The following NCKAP5 variants were observed in gnomAD, a reference collection of about 807,000 sequenced individuals.
NCKAP5 encodes nck-associated protein 5.
NCKAP5 carries 92 observed loss-of-function variants against 167.0 expected under a neutral mutation model. The observed-to-expected ratio is 0.55, with a 90% CI of 0.47 to 0.66. The LOEUF is 0.66. Among genes scored for constraint, NCKAP5 ranks in the 30% least tolerant of loss-of-function variants. The pLI, the probability that NCKAP5 is intolerant of heterozygous loss-of-function variation, is 0.00. For missense variants in NCKAP5, 2,378 were observed against 2,315.0 expected, an observed-to-expected ratio of 1.03 and a Z score of -0.56; for synonymous variants, 891 against 877.4, an observed-to-expected ratio of 1.02 and a Z score of -0.27.
At chr2:133,093,043 A>G (rs2081239081) in intron 6 of NCKAP5, among the ~76,000 whole-genome samples, 1 of 152,228 alleles carries the variant, frequency 6.6e-6, no homozygotes, top group African/African-American at 2.4e-5. Flanking sequence ...TCATCTGTAA[A>G]ATGGAAATAA....
chr2:132,878,866 A>G lies in NCKAP5; in HGVS notation c.630T>C (p.Tyr210=), dbSNP rs1246205449. ...CCCTTACCTCATCAAGACATCGCTC[A>G]TATTGTTCCCTTTGATTTTCATTCT... The part of the protein sequence containing the change: ...ALENENQREQ[Y]ERCLDEVANQ... The change falls in exon 9 of 20, where the codon TAT becomes TAC. Residue 210 remains tyrosine, a synonymous_variant. Transcript: ENST00000409261. 6.2e-7 allele frequency: 1 copy of G among 1,613,742 alleles called. No individual in the cohort carries two copies. Among genetic ancestry groups the G allele is most frequent in the Admixed American group, 1.7e-5 (1 of 60,034 alleles).
intron 12 of NCKAP5, among the ~76,000 whole-genome samples, chr2:132,794,263 T>TATATATATAGAG (rs762281677): frequency 8.4e-5 from 1 of 11,916 alleles, no homozygotes; most frequent in East Asian, 2.8e-3. Flanking sequence ...TATATATATA[T>TATATATATAGAG]AGAGAGAGAG....
At chr2:133,148,192 A>C (rs1051254711) in intron 5 of NCKAP5, among the ~76,000 whole-genome samples, 5 of 152,122 alleles carry the variant, frequency 3.3e-5, no homozygotes, top group African/African-American at 9.7e-5. Flanking sequence ...GTTGCCAGCA[A>C]AAGTCAATGG....
At chr2:132,961,771 T>G (rs2076517645) in intron 8 of NCKAP5, among the ~76,000 whole-genome samples, 1 of 152,232 alleles carries the variant, frequency 6.6e-6, no homozygotes, top group Non-Finnish European at 1.5e-5. Context: ...AACAACAACA[T>G]GAACTAAGAT....
At chr2:132,801,446 T>C (rs1291883350) in intron 11 of NCKAP5, among the ~76,000 whole-genome samples, 4 of 152,198 alleles carry the variant, frequency 2.6e-5, no homozygotes, top group African/African-American at 9.6e-5. Context: ...CACATGTTCA[T>C]ATATACGGGT....
chr2:133,265,442 C>A (rs112006277), intron 4 of NCKAP5, among the ~76,000 whole-genome samples: 1 of 152,132 alleles, frequency 6.6e-6, no homozygotes, highest in African/African-American at 2.4e-5. Context: ...GCCTGCCACC[C>A]GGGAGGTCCC....
chr2:132,974,927 G>A (rs1248531387), intron 7 of NCKAP5, among the ~76,000 whole-genome samples: 1 of 152,216 alleles, frequency 6.6e-6, no homozygotes, highest in Non-Finnish European at 1.5e-5. Flanking sequence ...CCAGCCGTCT[G>A]GCTGACAGCT....
chr2:133,108,841 C>T (rs1393770973), intron 6 of NCKAP5, among the ~76,000 whole-genome samples: 1 of 152,214 alleles, frequency 6.6e-6, no homozygotes, highest in African/African-American at 2.4e-5. Flanking sequence ...CTAGCCTCAT[C>T]CATGTTGTCA....
At chr2:133,218,956 T>C (rs972989273) in intron 4 of NCKAP5, among the ~76,000 whole-genome samples, 2 of 152,204 alleles carry the variant, frequency 1.3e-5, no homozygotes, top group Non-Finnish European at 2.9e-5. Context: ...TATTAATAAA[T>C]CATGAAATTT....
rs570101745 is a variant in NCKAP5, at chr2:132,678,981, G to A, written c.5714-5676C>T. ...AATATTCTTAATTGGATATCTTCTG[G>A]GCGTCTATTATTGGAATTTGAGGTG... On this transcript the variant is annotated intron_variant, in intron 19 of 19. Transcript: ENST00000409261. Among the ~76,000 whole-genome samples the A allele has an allele frequency of 4.6e-5, 7 of 152,004 alleles. No individual in the cohort carries two copies. In the East Asian group the frequency reaches 1.4e-3, roughly 29 times the overall value.
chr2:133,651,265 C>T, the NCKAP5 span, among the ~76,000 whole-genome samples: 1 of 152,150 alleles, frequency 6.6e-6, no homozygotes, highest in Non-Finnish European at 1.5e-5. Context: ...AGGGGTTAAT[C>T]TCCAAGATAT....
At chr2:132,973,280 C>A (rs1249705901) in intron 7 of NCKAP5, among the ~76,000 whole-genome samples, 1 of 152,160 alleles carries the variant, frequency 6.6e-6, no homozygotes, top group Non-Finnish European at 1.5e-5. Flanking sequence ...TGACAGTCAA[C>A]CTTCTTGCGG....
chr2:133,313,021 G>A (rs368965954), intron 3 of NCKAP5, among the ~76,000 whole-genome samples: 10 of 152,198 alleles, frequency 6.6e-5, no homozygotes, highest in African/African-American at 2.2e-4. Flanking sequence ...TTTGCTTAGG[G>A]TCAGACAATA....
At chr2:132,826,549 C>A (rs1191372056) in intron 11 of NCKAP5, among the ~76,000 whole-genome samples, 1 of 152,146 alleles carries the variant, frequency 6.6e-6, no homozygotes, top group East Asian at 1.9e-4. Flanking sequence ...TGTGCTTTGC[C>A]CTCCTGTTAG....
the NCKAP5 span, among the ~76,000 whole-genome samples, chr2:133,594,237 A>T: frequency 2.0e-5 from 3 of 152,188 alleles, no homozygotes; most frequent in African/African-American, 7.2e-5. Context: ...TACCATCTCC[A>T]CCACAGTGTG....
At chr2:132,712,331 C>G (rs147516350) in intron 19 of NCKAP5, among the ~76,000 whole-genome samples, 1,532 of 152,298 alleles carry the variant, frequency 0.01, 14 homozygotes, top group Non-Finnish European at 0.016. Flanking sequence ...GATACTTTGG[C>G]TACCTCATAC....
At chr2:132,760,046 C>T (rs1680869935) in intron 16 of NCKAP5, among the ~76,000 whole-genome samples, 1 of 152,024 alleles carries the variant, frequency 6.6e-6, no homozygotes, top group Non-Finnish European at 1.5e-5. Context: ...ATATATTAAT[C>T]ATTTTCCTTA....
the NCKAP5 span, among the ~76,000 whole-genome samples, chr2:133,640,599 T>C: frequency 1.6e-3 from 250 of 152,334 alleles, 1 homozygote; most frequent in African/African-American, 5.9e-3. Context: ...CTATACACAG[T>C]ATCACTTCAC....
At chr2:132,731,343 TA>T (rs911154413) in intron 17 of NCKAP5, among the ~76,000 whole-genome samples, 1 of 152,220 alleles carries the variant, frequency 6.6e-6, no homozygotes, top group African/African-American at 2.4e-5. Context: ...TGGATAAGAA[TA>T]CACCAGAACA....
Sources: gnomAD v4.1 joint callset for allele counts (sites outside exome capture counted in the v4.1 genomes callset) on GRCh38, gnomAD v4.1.1 for gene constraint, MANE v1.5 for transcripts, NCBI Gene and HGNC (gene_info 2026-07-23, HGNC 2026-07-21) for gene names.